Variants in ATOH8 observed in about 807,000 individuals in gnomAD.
The protein encoded by ATOH8 is transcription factor ATOH8.
In ATOH8, 9 loss-of-function variants were observed where a neutral mutation model predicts 21.2. That is an observed-to-expected ratio of 0.42 (90% confidence interval 0.26 to 0.74). The LOEUF is 0.74. ATOH8 is among the 30% of genes least tolerant of loss of function. ATOH8 has a pLI of 0.24. For synonymous variants in ATOH8, 253 were observed against 224.0 expected, an observed-to-expected ratio of 1.13 and a Z score of -1.16; for missense variants, 524 against 470.9, an observed-to-expected ratio of 1.11 and a Z score of -1.04.
intron 2 of ATOH8, chr2:85,774,866 GC>G (rs1680281643): frequency 1.1e-6 from 1 of 920,212 alleles, no homozygotes; most frequent in South Asian, 5.0e-5. Flanking sequence ...TGCCTGGAAT[GC>G]CCTTCTCCAC....
At chr2:85,775,663 A>G (rs1680301992) in intron 2 of ATOH8, among the ~76,000 whole-genome samples, 1 of 152,164 alleles carries the variant, frequency 6.6e-6, no homozygotes, top group South Asian at 2.1e-4. Flanking sequence ...GTAGGGGGCC[A>G]TGCTAGGAAG....
At chr2:85,767,679 A>G (rs1483764850) in intron 2 of ATOH8, among the ~76,000 whole-genome samples, 1 of 134,918 alleles carries the variant, frequency 7.4e-6, no homozygotes, top group Admixed American at 7.8e-5. Flanking sequence ...ACCATCATGC[A>G]GCGACTGAAC....
chr2:85,758,512 C>T (rs1262496035), intron 1 of ATOH8, among the ~76,000 whole-genome samples: 2 of 152,268 alleles, frequency 1.3e-5, no homozygotes, highest in Non-Finnish European at 2.9e-5. Context: ...TCCCAGGGCC[C>T]AGACTCCTAA....
intron 2 of ATOH8, among the ~76,000 whole-genome samples, chr2:85,770,210 T>A (rs889884303): frequency 6.6e-6 from 1 of 152,176 alleles, no homozygotes; most frequent in African/African-American, 2.4e-5. Flanking sequence ...TGTTGTCTGA[T>A]GCACAGATGG....
At chr2:85,772,774 C>T (rs912642920) in intron 2 of ATOH8, 7 of 456,664 alleles carry the variant, frequency 1.5e-5, no homozygotes, top group East Asian at 6.9e-5. Flanking sequence ...GTTTCTCAGG[C>T]GCCGCTGTTT....
At chr2:85,774,309 C>T in intron 2 of ATOH8, 1 of 985,568 alleles carries the variant, frequency 1.0e-6, no homozygotes, top group Non-Finnish European at 1.2e-6. Flanking sequence ...CAGGGCTGCC[C>T]TGCCCACTGC....
chr2:85,755,003 G>A, intron 1 of ATOH8, 46 bp downstream of exon 1: 1 of 1,532,026 alleles, frequency 6.5e-7, no homozygotes, highest in South Asian at 1.2e-5. Flanking sequence ...GGGGACGACT[G>A]CGGGAATGGG....
chr2:85,767,120 C>T (rs1203680064), intron 2 of ATOH8, among the ~76,000 whole-genome samples: 1 of 107,534 alleles, frequency 9.3e-6, no homozygotes, highest in Non-Finnish European at 1.9e-5. Flanking sequence ...ATTGGAACCT[C>T]ACCGGTTTTA....
At chr2:85,779,290 G>C (rs1475569389) in intron 2 of ATOH8, among the ~76,000 whole-genome samples, 2 of 152,268 alleles carry the variant, frequency 1.3e-5, no homozygotes, top group Non-Finnish European at 2.9e-5. Context: ...CCCCACGCTG[G>C]GGGTGAGCTG....
At chr2:85,758,684 G>A (rs1249899557) in intron 1 of ATOH8, among the ~76,000 whole-genome samples, 1 of 152,218 alleles carries the variant, frequency 6.6e-6, no homozygotes, top group East Asian at 1.9e-4. Context: ...AGGTGGGAGA[G>A]AGGCCCTCTG....
chr2:85,774,776 G>A (rs971809156), intron 2 of ATOH8: 18 of 985,458 alleles, frequency 1.8e-5, no homozygotes, highest in Non-Finnish European at 1.7e-5. Context: ...CACTCCCTAT[G>A]TCCCAATTTA....
chr2:85,768,938 G>A lies in ATOH8; in HGVS notation c.960+4756G>A, dbSNP rs145717600. ...GGGAGGCCTGGAAGGACTCTGGGGA[G>A]TTCAGTTCTGACTCCGGCTGCAGCC... On this transcript the variant is annotated intron_variant, in intron 2 of 2. Coordinates refer to ENST00000306279, the MANE Select transcript of ATOH8 (RefSeq NM_032827.7). Among the ~76,000 whole-genome samples the A allele has an allele frequency of 1.7e-3, 259 of 152,302 alleles. 2 individuals carry two copies. Among genetic ancestry groups the A allele is most frequent in the African/African-American group, 6.1e-3 (252 of 41,554 alleles).
intron 2 of ATOH8, 76 bp downstream of exon 2, chr2:85,764,258 C>T (rs947097690): frequency 3.4e-5 from 54 of 1,566,896 alleles, no homozygotes; most frequent in Non-Finnish European, 5.2e-6. Context: ...GGGTGCCCTG[C>T]CTATGCCCAG....
chr2:85,787,095 A>C lies in ATOH8; in HGVS notation c.*205A>C, dbSNP rs1401943578. 1 of 620,394 alleles carries C rather than the reference A, an allele frequency of 1.6e-6. No individual in the cohort carries two copies. Among genetic ancestry groups the C allele is most frequent in the Non-Finnish European group, 2.8e-6 (1 of 361,022 alleles). 38.4% of individuals were successfully genotyped at this position (620,394 alleles called of 1,614,324 possible). ...CCCAGCCAATCCGAGGCTGCTTCGC[A>C]CTTTGCCCTCTGCCTGGTGGGGAGG... is the stretch of plus-strand genomic sequence containing the variant. On this transcript the variant is annotated 3_prime_UTR_variant, in exon 3 of 3. Transcript: ENST00000306279.
chr2:85,774,756 C>A (rs1347914060), intron 2 of ATOH8: 1 of 985,382 alleles, frequency 1.0e-6, no homozygotes, highest in African/African-American at 1.7e-5. Flanking sequence ...GTGACCTGGC[C>A]CTGGCCGGTC....
chr2:85,754,010 C>G lies in ATOH8; in HGVS notation c.-180C>G. 1 of 630,182 alleles carries G rather than the reference C, an allele frequency of 1.6e-6. No homozygotes were observed. The highest frequency in any genetic ancestry group is 2.5e-6 in the Non-Finnish European group (1 of 402,684). 39.0% of individuals were successfully genotyped at this position (630,182 alleles called of 1,614,324 possible). A position where few individuals can be genotyped will look rare whatever the true frequency, so the allele number is the denominator to read the frequency against. On this transcript the variant is annotated 5_prime_UTR_variant, in exon 1 of 3. Transcript: ENST00000306279. Reference sequence around the variant, plus strand: ...GACTTCAGATGACACTCTGAGCGCTCCGGGAACGGACAGCCCGGCGGCTTC... The same window carrying G: ...GACTTCAGATGACACTCTGAGCGCTGCGGGAACGGACAGCCCGGCGGCTTC...
intron 2 of ATOH8, chr2:85,781,109 A>C (rs1328338931): frequency 6.1e-6 from 6 of 985,172 alleles, no homozygotes; most frequent in African/African-American, 1.7e-5. Context: ...AGAAAACACC[A>C]GTGCAGCTTA....
intron 2 of ATOH8, 31 bp from the exon 3 acceptor site, chr2:85,786,854 G>T (rs766557303): frequency 1.2e-6 from 2 of 1,613,756 alleles, no homozygotes; most frequent in South Asian, 1.1e-5. Flanking sequence ...TGGAGCAGGG[G>T]CAGCTTTTAA....
intron 2 of ATOH8, chr2:85,781,246 GATTAAGGTGATT>G: frequency 8.5e-6 from 2 of 234,046 alleles, no homozygotes; most frequent in Non-Finnish European, 1.4e-5. Flanking sequence ...TCCGTGGAGA[GATTAAGGTGATT>G]GAAACAATTT....
Sources: gnomAD v4.1 joint callset for allele counts (sites outside exome capture counted in the v4.1 genomes callset) on GRCh38, gnomAD v4.1.1 for gene constraint, MANE v1.5 for transcripts, NCBI Gene and HGNC (gene_info 2026-07-23, HGNC 2026-07-21) for gene names.